Variants in LCLAT1 observed in about 807,000 individuals in gnomAD.
The protein encoded by LCLAT1 is lysocardiolipin acyltransferase 1.
A neutral mutation model predicts 30.7 loss-of-function variants in LCLAT1; 11 were observed. The observed-to-expected ratio is 0.36, with a 90% CI of 0.23 to 0.59. The LOEUF (loss-of-function observed/expected upper bound fraction) is 0.59, where lower values mean the gene tolerates loss of function less well. Among genes scored for constraint, LCLAT1 ranks in the 20% least tolerant of loss-of-function variants. LCLAT1 has a pLI of 0.77. For missense variants in LCLAT1, 402 were observed against 458.6 expected, an observed-to-expected ratio of 0.88 and a Z score of 1.13; for synonymous variants, 155 against 151.3, an observed-to-expected ratio of 1.02 and a Z score of -0.18.
At chr2:30,635,230 A>G (rs1223223458) in intron 5 of LCLAT1, among the ~76,000 whole-genome samples, 2 of 144,208 alleles carry the variant, frequency 1.4e-5, no homozygotes, top group Non-Finnish European at 3.0e-5. Context: ...CTGTCTTTAT[A>G]TATATATATA....
At chr2:30,492,444 G>T (rs976976381) in intron 1 of LCLAT1, among the ~76,000 whole-genome samples, 1 of 152,050 alleles carries the variant, frequency 6.6e-6, no homozygotes, top group African/African-American at 2.4e-5. Flanking sequence ...TTCAGCTGTG[G>T]CTTGAGTAGA....
intron 5 of LCLAT1, chr2:30,607,925 A>T (rs1311901888): frequency 1.8e-5 from 3 of 162,730 alleles, no homozygotes; most frequent in Admixed American, 6.5e-5. Flanking sequence ...GTTTTTTTTA[A>T]AAAAGTTTTT....
At chr2:30,500,758 A>G (rs1055898495) in intron 1 of LCLAT1, among the ~76,000 whole-genome samples, 1 of 152,202 alleles carries the variant, frequency 6.6e-6, no homozygotes. Flanking sequence ...AATAATATGA[A>G]TGACAGATAT....
intron 5 of LCLAT1, among the ~76,000 whole-genome samples, chr2:30,637,844 C>T (rs1160508694): frequency 1.3e-5 from 2 of 152,194 alleles, no homozygotes; most frequent in Non-Finnish European, 2.9e-5. Context: ...TCCTAAAGTG[C>T]TGGGATTACA....
chr2:30,599,586 G>A (rs907330722), intron 5 of LCLAT1, among the ~76,000 whole-genome samples: 1 of 152,194 alleles, frequency 6.6e-6, no homozygotes, highest in Admixed American at 6.5e-5. Context: ...TGTGTTGAGA[G>A]TCCCTTTGTA....
intron 1 of LCLAT1, among the ~76,000 whole-genome samples, chr2:30,452,383 AT>A (rs200058814): frequency 0.028 from 4,031 of 145,790 alleles, 140 homozygotes; most frequent in African/African-American, 0.088. Flanking sequence ...GAAAAGTATA[AT>A]TTTTTTTTTT....
intron 1 of LCLAT1, among the ~76,000 whole-genome samples, chr2:30,462,902 AATAG>A (rs1682235168): frequency 6.6e-6 from 1 of 152,168 alleles, no homozygotes; most frequent in African/African-American, 2.4e-5. Context: ...AGTTTTGGTA[AATAG>A]ATAGTTTTAA....
chr2:30,579,273 CGAGAAGCTT>C (rs1451338441), intron 5 of LCLAT1, among the ~76,000 whole-genome samples: 1 of 152,066 alleles, frequency 6.6e-6, no homozygotes, highest in Non-Finnish European at 1.5e-5. Context: ...AAACATGTTA[CGAGAAGCTT>C]GCCCTGTACA....
At chr2:30,467,952 C>G (rs571768252) in intron 1 of LCLAT1, among the ~76,000 whole-genome samples, 3 of 152,276 alleles carry the variant, frequency 2.0e-5, no homozygotes, top group East Asian at 3.9e-4. Context: ...AATTAGATCC[C>G]ATTTGTCAGT....
intron 5 of LCLAT1, among the ~76,000 whole-genome samples, chr2:30,608,776 C>G (rs184776119): frequency 4.3e-4 from 66 of 152,216 alleles, no homozygotes; most frequent in Non-Finnish European, 6.2e-4. Flanking sequence ...AAAAAATTGC[C>G]TAAAGACACA....
intron 1 of LCLAT1, among the ~76,000 whole-genome samples, chr2:30,499,673 G>A (rs1045384823): frequency 2.0e-4 from 31 of 152,254 alleles, no homozygotes; most frequent in African/African-American, 6.0e-4. Flanking sequence ...GATGTCTTCC[G>A]TGGTATTTTA....
At chr2:30,587,716 C>T (rs181087369) in intron 5 of LCLAT1, among the ~76,000 whole-genome samples, 2 of 151,892 alleles carry the variant, frequency 1.3e-5, no homozygotes, top group Admixed American at 1.3e-4. Context: ...TTATAATTTC[C>T]TCTTTCCTAA....
chr2:30,553,542 G>A (rs957721144), intron 3 of LCLAT1, among the ~76,000 whole-genome samples: 11 of 152,204 alleles, frequency 7.2e-5, no homozygotes, highest in Non-Finnish European at 1.0e-4. Context: ...ATTGCCGGGC[G>A]CGGTGGCTCA....
At chr2:30,512,970 G>C (rs1685012235) in intron 1 of LCLAT1, among the ~76,000 whole-genome samples, 1 of 152,098 alleles carries the variant, frequency 6.6e-6, no homozygotes, top group African/African-American at 2.4e-5. Context: ...AATTAAAAAT[G>C]CACATTTCTG....
At chr2:30,523,793 G>A (rs1354771063) in intron 1 of LCLAT1, among the ~76,000 whole-genome samples, 13 of 152,162 alleles carry the variant, frequency 8.5e-5, no homozygotes, top group East Asian at 1.9e-4. Flanking sequence ...GCTTGAACCC[G>A]GGAGGCAGAG....
At chr2:30,599,440 A>G (rs1386331976) in intron 5 of LCLAT1, among the ~76,000 whole-genome samples, 1 of 152,198 alleles carries the variant, frequency 6.6e-6, no homozygotes, top group South Asian at 2.1e-4. Flanking sequence ...AAGAATGTAT[A>G]TTCTGTTGTT....
At chr2:30,635,502 A>C (rs1668980635) in intron 5 of LCLAT1, among the ~76,000 whole-genome samples, 1 of 152,050 alleles carries the variant, frequency 6.6e-6, no homozygotes, top group South Asian at 2.1e-4. Context: ...GTTACTCTTT[A>C]CTTGCTTATA....
intron 5 of LCLAT1, among the ~76,000 whole-genome samples, chr2:30,593,506 T>C (rs1666786985): frequency 6.6e-6 from 1 of 152,212 alleles, no homozygotes; most frequent in Non-Finnish European, 1.5e-5. Context: ...TTTGTTCTTT[T>C]TGCTTAGGAT....
rs185835876 is a variant in LCLAT1 at position 30,598,835 on chromosome 2, C to T, written c.628+30659C>T. The stretch of plus-strand genomic sequence containing the variant: ...CACTGCTTTAGCTGTGTTCGAGATT[C>T]CAGTACATTATCTCTTTGTTCTTAT... On this transcript the variant is annotated intron_variant, in intron 5 of 5. Coordinates refer to ENST00000379509, the MANE Select transcript of LCLAT1 (RefSeq NM_001002257.3). Among the ~76,000 whole-genome samples the T allele has an allele frequency of 2.0e-5, 3 of 152,190 alleles. No individual in the cohort carries two copies. In the East Asian group the frequency reaches 5.8e-4, roughly 29 times the overall value.
Sources: gnomAD v4.1 joint callset for allele counts (sites outside exome capture counted in the v4.1 genomes callset) on GRCh38, gnomAD v4.1.1 for gene constraint, MANE v1.5 for transcripts, NCBI Gene and HGNC (gene_info 2026-07-23, HGNC 2026-07-21) for gene names.